ABTB2: variants seen among roughly 807,000 people sequenced by gnomAD.
ABTB2 encodes ankyrin repeat and BTB/POZ domain-containing protein 2.
ABTB2 carries 56 observed loss-of-function variants against 104.1 expected under a neutral mutation model. The observed-to-expected ratio is 0.54, with a 90% confidence interval of 0.43 to 0.67. The LOEUF is 0.67. Ranked by LOEUF, ABTB2 falls within the 30% of genes least tolerant of loss-of-function variation. The pLI is 0.00. For synonymous variants in ABTB2, 606 were observed against 608.2 expected, an observed-to-expected ratio of 1.00 and a Z score of 0.05; for missense variants, 1,279 against 1,407.7, an observed-to-expected ratio of 0.91 and a Z score of 1.46.
At chr11:34,222,242 T>C (rs1235217528) in intron 1 of ABTB2, among the ~76,000 whole-genome samples, 1 of 152,176 alleles carries the variant, frequency 6.6e-6, no homozygotes, top group Non-Finnish European at 1.5e-5. Context: ...AGTTTCATCA[T>C]GCAGATGAAG....
At chr11:34,286,047 C>T (rs534779619) in intron 1 of ABTB2, among the ~76,000 whole-genome samples, 2 of 152,166 alleles carry the variant, frequency 1.3e-5, no homozygotes, top group Admixed American at 6.5e-5. Context: ...ACATTATAAT[C>T]GCCTGTAGTC....
intron 1 of ABTB2, among the ~76,000 whole-genome samples, chr11:34,315,253 C>T (rs1397799812): frequency 6.6e-6 from 1 of 152,176 alleles, no homozygotes; most frequent in African/African-American, 2.4e-5. Context: ...GAGCAAGTCT[C>T]CTGATTAAAA....
At chr11:34,200,752 C>T (rs144932496) in intron 2 of ABTB2, among the ~76,000 whole-genome samples, 81 of 152,264 alleles carry the variant, frequency 5.3e-4, no homozygotes, top group African/African-American at 1.7e-3. Flanking sequence ...TTAAATGACC[C>T]GTCCCAGTTC....
intron 4 of ABTB2, among the ~76,000 whole-genome samples, chr11:34,172,395 A>AAAAAATATAT (rs1554980662): frequency 6.9e-5 from 2 of 29,050 alleles, no homozygotes; most frequent in Non-Finnish European, 1.5e-4. Context: ...AAAAAAAAAA[A>AAAAAATATAT]ATATATATAT....
Position 34,317,478 on chromosome 11 carries a change from G to A in ABTB2, c.883+39223C>T, listed in dbSNP as rs183055110. Among the ~76,000 whole-genome samples, 8 of 152,202 alleles carry A rather than the reference G, an allele frequency of 5.3e-5. No individual in the cohort carries two copies. In the East Asian group the frequency reaches 1.3e-3, roughly 26 times the overall value. On this transcript the variant is annotated intron_variant, in intron 1 of 16. Coordinates refer to ENST00000435224, the MANE Select transcript of ABTB2 (RefSeq NM_145804.3). ...ACAGTAAGAGAAACACTTGGTCAACGAAATTAAGAATGGGCCAGGCATGGT... is the reference window on the plus strand; with the variant it reads ...ACAGTAAGAGAAACACTTGGTCAACAAAATTAAGAATGGGCCAGGCATGGT...
intron 1 of ABTB2, among the ~76,000 whole-genome samples, chr11:34,309,546 G>A (rs1038784932): frequency 6.6e-6 from 1 of 152,182 alleles, no homozygotes; most frequent in African/African-American, 2.4e-5. Context: ...AGCTAGGCTT[G>A]TGGAAAGTTC....
At chr11:34,249,191 C>A (rs1436458243) in intron 1 of ABTB2, among the ~76,000 whole-genome samples, 1 of 152,224 alleles carries the variant, frequency 6.6e-6, no homozygotes, top group Non-Finnish European at 1.5e-5. Context: ...ATGACTTGCA[C>A]CCTCGTGAAT....
At chr11:34,226,868 C>T (rs1301571272) in intron 1 of ABTB2, among the ~76,000 whole-genome samples, 2 of 151,952 alleles carry the variant, frequency 1.3e-5, no homozygotes, top group Non-Finnish European at 2.9e-5. Flanking sequence ...GAGTTGGTGA[C>T]CAGGCTGGCC....
At chr11:34,294,106 C>G (rs1444870811) in intron 1 of ABTB2, among the ~76,000 whole-genome samples, 1 of 152,134 alleles carries the variant, frequency 6.6e-6, no homozygotes, top group East Asian at 1.9e-4. Flanking sequence ...CAAAGGCAGG[C>G]AGATCCCTTG....
chr11:34,343,400 C>CA (rs1423741891), intron 1 of ABTB2, among the ~76,000 whole-genome samples: 19 of 152,226 alleles, frequency 1.2e-4, no homozygotes, highest in Non-Finnish European at 2.8e-4. Context: ...GGTCTGGGCC[C>CA]CATGCCAGAC....
At chr11:34,347,192 T>C (rs763901841) in intron 1 of ABTB2, among the ~76,000 whole-genome samples, 21 of 152,292 alleles carry the variant, frequency 1.4e-4, no homozygotes, top group Middle Eastern at 3.4e-3. Context: ...TCCCAGCACT[T>C]TGGGAGGCCA....
chr11:34,167,344 G>C lies in ABTB2; in HGVS notation c.1670C>G (p.Pro557Arg). Reference protein sequence around the residue: ...NLDIQVPSNSPRHPSIHPDSR... With the variant: ...NLDIQVPSNSRRHPSIHPDSR... ...GTCGGGGTGGATGGAAGGGTGCCTGGGGGAGTTGCTTGGAACCTGGAAAAT... is the reference window on the plus strand; with the variant it reads ...GTCGGGGTGGATGGAAGGGTGCCTGCGGGAGTTGCTTGGAACCTGGAAAAT... Residue 557 changes from proline to arginine, a missense_variant, in exon 7 of 17, where the codon CCC becomes CGC. Coordinates refer to ENST00000435224, the MANE Select transcript of ABTB2 (RefSeq NM_145804.3). 3 of 1,613,254 alleles carry C rather than the reference G, an allele frequency of 1.9e-6. No individual in the cohort carries two copies. Among genetic ancestry groups the C allele is most frequent in the Non-Finnish European group, 2.5e-6 (3 of 1,179,624 alleles).
At chr11:34,248,113 A>AC (rs1854008607) in intron 1 of ABTB2, among the ~76,000 whole-genome samples, 1 of 68,090 alleles carries the variant, frequency 1.5e-5, no homozygotes, top group South Asian at 4.4e-4. Flanking sequence ...AAAAAAAAAA[A>AC]AAAAAAAAAC....
intron 1 of ABTB2, among the ~76,000 whole-genome samples, chr11:34,279,960 A>AGG (rs1366083626): frequency 6.6e-6 from 1 of 151,788 alleles, no homozygotes; most frequent in African/African-American, 2.4e-5. Flanking sequence ...GGCCAGAGAC[A>AGG]GGGTTTCACA....
chr11:34,237,914 C>A (rs745422585), intron 1 of ABTB2, among the ~76,000 whole-genome samples: 1 of 151,942 alleles, frequency 6.6e-6, no homozygotes, highest in Non-Finnish European at 1.5e-5. Context: ...AAACAAAAAA[C>A]GCTATGCCAC....
chr11:34,152,120 A>G lies in ABTB2; in HGVS notation c.*267T>C. On this transcript the variant is annotated 3_prime_UTR_variant, in exon 17 of 17. Coordinates refer to ENST00000435224, the MANE Select transcript of ABTB2 (RefSeq NM_145804.3). ...GGAGGGGAGAGCGACACCCCGGGGG[A>G]GTGCATGGCTGCCCTTGAGTTGCAA... is the stretch of plus-strand genomic sequence containing the variant. 1.5e-5 allele frequency: 7 copies of G among 464,976 alleles called. No homozygotes were observed. The highest frequency in any genetic ancestry group is 4.1e-5 in the East Asian group (1 of 24,530). The allele number at this position is 464,976 out of a possible 1,614,324, so 28.8% of individuals were successfully genotyped here.
intron 3 of ABTB2, among the ~76,000 whole-genome samples, chr11:34,189,874 G>C (rs531586731): frequency 1.9e-4 from 29 of 152,268 alleles, no homozygotes; most frequent in African/African-American, 6.7e-4. Context: ...ACTATGCTAA[G>C]TGCCTTATGT....
At chr11:34,173,816 G>A (rs1852921377) in intron 3 of ABTB2, among the ~76,000 whole-genome samples, 1 of 152,212 alleles carries the variant, frequency 6.6e-6, no homozygotes, top group Admixed American at 6.5e-5. Flanking sequence ...AGCAGGGTCA[G>A]GTCACCATCC....
intron 1 of ABTB2, among the ~76,000 whole-genome samples, chr11:34,347,758 A>G (rs1457599199): frequency 4.1e-5 from 6 of 147,826 alleles, no homozygotes; most frequent in Admixed American, 3.4e-4. Flanking sequence ...TTTATTATCA[A>G]TGCTCTGGAA....
Sources: gnomAD v4.1 joint callset for allele counts (sites outside exome capture counted in the v4.1 genomes callset) on GRCh38, gnomAD v4.1.1 for gene constraint, MANE v1.5 for transcripts, NCBI Gene and HGNC (gene_info 2026-07-23, HGNC 2026-07-21) for gene names.